Variants in EPHA5 observed in about 807,000 individuals in gnomAD.
EPHA5 encodes EPH receptor A5.
In EPHA5, 60 loss-of-function variants were observed where a neutral mutation model predicts 105.0. That is an observed-to-expected ratio of 0.57 (90% CI 0.46 to 0.71). EPHA5 has a LOEUF of 0.71. Ranked by LOEUF, EPHA5 falls within the 30% of genes least tolerant of loss-of-function variation. The pLI, the probability that EPHA5 is intolerant of heterozygous loss-of-function variation, is 0.00. For synonymous variants in EPHA5, 513 were observed against 449.1 expected (o/e 1.14, Z -1.80); for missense variants, 1,218 against 1,274.7 (o/e 0.96, Z 0.68).
intron 2 of EPHA5, among the ~76,000 whole-genome samples, chr4:65,626,190 GA>G (rs1472267667): frequency 1.3e-5 from 2 of 151,110 alleles, no homozygotes; most frequent in African/African-American, 2.4e-5. Flanking sequence ...TTTATATTTA[GA>G]AAAAAATGGA....
At chr4:65,612,044 AG>A (rs1560772584) in intron 2 of EPHA5, among the ~76,000 whole-genome samples, 8 of 114,460 alleles carry the variant, frequency 7.0e-5, no homozygotes, top group Non-Finnish European at 7.4e-5. Context: ...AAAAAAGGAA[AG>A]AAAAGAAAAG....
At chr4:65,328,073 A>G (rs571094059) in intron 16 of EPHA5, among the ~76,000 whole-genome samples, 1 of 151,310 alleles carries the variant, frequency 6.6e-6, no homozygotes, top group South Asian at 2.1e-4. Context: ...CAATGTCTTA[A>G]GTATGTTCCC....
intron 5 of EPHA5, among the ~76,000 whole-genome samples, chr4:65,454,068 G>A (rs1313769941): frequency 6.6e-6 from 1 of 152,070 alleles, no homozygotes; most frequent in African/African-American, 2.4e-5. Flanking sequence ...ATCACCTGAG[G>A]TTGGGAGTTC....
chr4:65,586,663 AG>A (rs1312343287), intron 3 of EPHA5, among the ~76,000 whole-genome samples: 1 of 151,884 alleles, frequency 6.6e-6, no homozygotes, highest in Non-Finnish European at 1.5e-5. Flanking sequence ...TTTCTCTCAA[AG>A]CTAATATATA....
intron 3 of EPHA5, among the ~76,000 whole-genome samples, chr4:65,514,983 T>A (rs1276561874): frequency 6.6e-6 from 1 of 152,140 alleles, no homozygotes; most frequent in Non-Finnish European, 1.5e-5. Flanking sequence ...ACGTTGTGAT[T>A]ATCAATAGCT....
At chr4:65,434,353 T>TATCC (rs1275987566) in intron 5 of EPHA5, among the ~76,000 whole-genome samples, 1 of 152,178 alleles carries the variant, frequency 6.6e-6, no homozygotes, top group Non-Finnish European at 1.5e-5. Flanking sequence ...CATCTACATA[T>TATCC]ATCCTGGTTT....
At chr4:65,552,122 C>T (rs1009054538) in intron 3 of EPHA5, among the ~76,000 whole-genome samples, 11 of 152,266 alleles carry the variant, frequency 7.2e-5, no homozygotes, top group Admixed American at 3.3e-4. Flanking sequence ...TAAAGCTGTC[C>T]GGCCCTGTGG....
intron 3 of EPHA5, among the ~76,000 whole-genome samples, chr4:65,561,878 T>C (rs184725680): frequency 6.6e-6 from 1 of 152,174 alleles, no homozygotes; most frequent in Non-Finnish European, 1.5e-5. Context: ...TATAAAAATT[T>C]CTTTGCAGCT....
At chr4:65,373,211 T>G (rs1718661789) in intron 8 of EPHA5, among the ~76,000 whole-genome samples, 2 of 151,890 alleles carry the variant, frequency 1.3e-5, no homozygotes, top group South Asian at 4.1e-4. Flanking sequence ...TAAAAATAGA[T>G]AGTTTGGAGC....
At chr4:65,461,643 A>G (rs28489534) in intron 5 of EPHA5, among the ~76,000 whole-genome samples, 38,496 of 151,908 alleles carry the variant, frequency 0.25, 5,291 homozygotes, top group Middle Eastern at 0.34. Context: ...CAAGCTATCT[A>G]GCTTATAAAG....
At chr4:65,539,619 A>C (rs1736627177) in intron 3 of EPHA5, among the ~76,000 whole-genome samples, 1 of 151,566 alleles carries the variant, frequency 6.6e-6, no homozygotes, top group Non-Finnish European at 1.5e-5. Context: ...TTGCTCCCTC[A>C]CTCAAAGAAA....
At chr4:65,457,439 T>C (rs769896140) in intron 5 of EPHA5, among the ~76,000 whole-genome samples, 7 of 152,202 alleles carry the variant, frequency 4.6e-5, no homozygotes, top group Non-Finnish European at 1.0e-4. Flanking sequence ...CTATAAGTTA[T>C]ACATTAAATA....
At chr4:65,454,896 T>C (rs1372188452) in intron 5 of EPHA5, among the ~76,000 whole-genome samples, 1 of 152,204 alleles carries the variant, frequency 6.6e-6, no homozygotes, top group Non-Finnish European at 1.5e-5. Flanking sequence ...AGTCCTCTTT[T>C]CTTTCTCACC....
chr4:65,572,408 G>A (rs2149377589), intron 3 of EPHA5, among the ~76,000 whole-genome samples: 1 of 152,250 alleles, frequency 6.6e-6, no homozygotes, highest in Admixed American at 6.5e-5. Context: ...ATATGGACTT[G>A]AAACATAATC....
chr4:65,553,360 T>C (rs1265952115), intron 3 of EPHA5, among the ~76,000 whole-genome samples: 1 of 152,086 alleles, frequency 6.6e-6, no homozygotes, highest in Non-Finnish European at 1.5e-5. Context: ...AATGATACCT[T>C]GAAGGACAAC....
Position 65,644,930 on chromosome 4 carries a change from G to A in EPHA5, c.182-1503C>T, listed in dbSNP as rs542870849. ...GAGCTCATTAACTATACAAATGCAT[G>A]CAATATAATGTTTGTATCATTTTTA... is the stretch of plus-strand genomic sequence containing the variant. On this transcript the variant is annotated intron_variant, in intron 1 of 16. Coordinates refer to ENST00000613740, the MANE Select transcript of EPHA5 (RefSeq NM_001281766.3). 1.3e-3 allele frequency among the ~76,000 whole-genome samples: 202 copies of A among 151,938 alleles called. 1 individual carries two copies. Among genetic ancestry groups the A allele is most frequent in the Non-Finnish European group, 2.2e-3 (152 of 67,890 alleles).
chr4:65,594,922 G>T (rs973840228), intron 3 of EPHA5, among the ~76,000 whole-genome samples: 2 of 152,002 alleles, frequency 1.3e-5, no homozygotes, highest in African/African-American at 2.4e-5. Context: ...TGTATAAGAA[G>T]AGCATATTTT....
At chr4:65,624,946 G>T (rs957711001) in intron 2 of EPHA5, among the ~76,000 whole-genome samples, 5 of 152,128 alleles carry the variant, frequency 3.3e-5, no homozygotes, top group African/African-American at 1.2e-4. Flanking sequence ...AAATAAAAGT[G>T]AGTGCTAGTG....
intron 3 of EPHA5, among the ~76,000 whole-genome samples, chr4:65,590,748 C>A (rs1742556619): frequency 6.6e-6 from 1 of 152,142 alleles, no homozygotes; most frequent in South Asian, 2.1e-4. Context: ...AAGGTTAACC[C>A]ATCCATGGGG....
Sources: allele counts gnomAD v4.1 joint callset (sites outside exome capture counted in the v4.1 genomes callset), GRCh38; gene constraint gnomAD v4.1.1; transcripts MANE v1.5; gene names NCBI Gene and HGNC (gene_info 2026-07-23, HGNC 2026-07-21).